Variants in PIEZO2 observed in about 807,000 individuals in gnomAD.
PIEZO2 encodes the protein piezo type mechanosensitive ion channel component 2.
Under a neutral mutation model 337.3 loss-of-function variants are expected in PIEZO2, and 172 were observed. The observed-to-expected ratio is 0.51, with a 90% CI of 0.45 to 0.58. The LOEUF (loss-of-function observed/expected upper bound fraction) is 0.58, where lower values mean the gene tolerates loss of function less well. PIEZO2 is among the 20% of genes least tolerant of loss of function. PIEZO2 has a pLI of 0.00. For synonymous variants in PIEZO2, 1,251 were observed against 1,228.5 expected (o/e 1.02, Z -0.38); for missense variants, 3,028 against 3,391.3 (o/e 0.89, Z 2.66).
chr18:11,074,122 A>C (rs1223153799), intron 1 of PIEZO2, among the ~76,000 whole-genome samples: 1 of 152,212 alleles, frequency 6.6e-6, no homozygotes, highest in East Asian at 1.9e-4. Context: ...CTAGGATTAC[A>C]GGCATGAGCC....
intron 45 of PIEZO2, among the ~76,000 whole-genome samples, chr18:10,696,888 T>C (rs2035115581): frequency 6.6e-6 from 1 of 152,324 alleles, no homozygotes; most frequent in African/African-American, 2.4e-5. Flanking sequence ...GAGCATGCTA[T>C]GTAACCTCTG....
intron 49 of PIEZO2, 94 bp downstream of exon 49, chr18:10,689,561 G>C (rs777490222): frequency 5.4e-5 from 83 of 1,549,366 alleles, no homozygotes; most frequent in Non-Finnish European, 7.1e-5. Context: ...TTTGCCTCAT[G>C]CCTTCATTGT....
chr18:10,851,155 C>CTTTTTTTTTTTTTTTTTTTTCTTTTTTCT (rs10592305), intron 7 of PIEZO2, among the ~76,000 whole-genome samples: 1 of 127,936 alleles, frequency 7.8e-6, no homozygotes, highest in South Asian at 2.5e-4. Context: ...TTTCTTTTAT[C>CTTTTTTTTTTTTTTTTTTTTCTTTTTTCT]TTTTTTTTTT....
Position 11,132,195 on chromosome 18 carries a change from G to A in PIEZO2, c.64+16330C>T, listed in dbSNP as rs1197483079. 6.6e-6 allele frequency among the ~76,000 whole-genome samples: 1 copy of A among 152,198 alleles called. No individual in the cohort carries two copies. The highest frequency in any genetic ancestry group is 1.5e-5 in the Non-Finnish European group (1 of 68,024). ...TAGGTTTGCCTGTCCTGCATGCAATGCTTCTGCCAAGACTACCATCCATGG... is the reference window on the plus strand; with the variant it reads ...TAGGTTTGCCTGTCCTGCATGCAATACTTCTGCCAAGACTACCATCCATGG... On this transcript the variant is annotated intron_variant, in intron 1 of 55. Transcript: ENST00000674853. The surrounding 1 kb of genome is among the most constrained non-coding windows in gnomAD (Gnocchi z 4.7).
chr18:11,058,185 G>T (rs556379715), intron 2 of PIEZO2, among the ~76,000 whole-genome samples: 13 of 152,278 alleles, frequency 8.5e-5, no homozygotes, highest in Admixed American at 7.2e-4. Flanking sequence ...TGTTACCCAG[G>T]CAAACAGGGT....
chr18:10,801,108 C>T (rs573383544), intron 10 of PIEZO2, among the ~76,000 whole-genome samples: 2 of 152,308 alleles, frequency 1.3e-5, no homozygotes, highest in Non-Finnish European at 2.9e-5. Context: ...GGTGTATGTG[C>T]GCCCATGGGC....
At position 10,821,089 on chromosome 18, in the gene PIEZO2, T is replaced by C. The variant is rs1416481778; in HGVS notation, c.918-13815A>G. Among the ~76,000 whole-genome samples, 1 of 152,184 alleles carries C rather than the reference T, an allele frequency of 6.6e-6. No individual in the cohort carries two copies. The stretch of plus-strand genomic sequence containing the variant: ...TTGAAGATCTCTGGAGCTCTTTCTC[T>C]GTCTTTCTCCTCTCCATTACTCTGT... On this transcript the variant is annotated intron_variant, in intron 7 of 55. Transcript: ENST00000674853. This position sits in a 1 kb window ranked among gnomAD's most constrained non-coding sequence, Gnocchi z 4.2.
chr18:11,043,892 A>G (rs1243378763), intron 2 of PIEZO2, among the ~76,000 whole-genome samples: 1 of 151,918 alleles, frequency 6.6e-6, no homozygotes, highest in Non-Finnish European at 1.5e-5. Context: ...CCGGCTGGTC[A>G]TGAACTCCTG....
At chr18:11,051,288 C>T (rs1050288506) in intron 2 of PIEZO2, among the ~76,000 whole-genome samples, 23 of 151,366 alleles carry the variant, frequency 1.5e-4, no homozygotes, top group African/African-American at 4.9e-4. Flanking sequence ...TTGGATAAGA[C>T]GACAACTTTG....
Position 10,839,512 on chromosome 18 carries a change from C to T in PIEZO2, c.917+15841G>A, listed in dbSNP as rs143876949. 2.1e-3 allele frequency among the ~76,000 whole-genome samples: 322 copies of T among 152,272 alleles called. 3 individuals are homozygous for T. The highest frequency in any genetic ancestry group is 0.014 in the Middle Eastern group (4 of 294). ...GCTCTGGTCTGTTAAGCCCTTATGC[C>T]GATGATTGTCAAGCTTTTCCTCCCA... On this transcript the variant is annotated intron_variant, in intron 7 of 55. Coordinates refer to ENST00000674853, the MANE Select transcript of PIEZO2 (RefSeq NM_001378183.1).
rs2034019529 is a variant in PIEZO2, at chr18:10,676,712, A to G, written c.8081+1035T>C. On this transcript the variant is annotated intron_variant, in intron 53 of 55. Transcript: ENST00000674853. This position sits in a 1 kb window ranked among gnomAD's most constrained non-coding sequence, Gnocchi z 5.1. Reference sequence around the variant, plus strand: ...TACTTTTTGGGCCAGGTGGACAGAGAGTGGGAGGAGAATGTGCTTGACACT... The same window carrying G: ...TACTTTTTGGGCCAGGTGGACAGAGGGTGGGAGGAGAATGTGCTTGACACT... 6.6e-6 allele frequency among the ~76,000 whole-genome samples: 1 copy of G among 152,190 alleles called. No individual in the cohort carries two copies. Among genetic ancestry groups the G allele is most frequent in the South Asian group, 2.1e-4 (1 of 4,836 alleles).
chr18:11,113,889 A>C (rs2039810166), intron 1 of PIEZO2, among the ~76,000 whole-genome samples: 1 of 152,178 alleles, frequency 6.6e-6, no homozygotes, highest in Non-Finnish European at 1.5e-5. Context: ...TTTCAGATGT[A>C]ATTTTTTAGC....
intron 47 of PIEZO2, among the ~76,000 whole-genome samples, chr18:10,692,788 G>A (rs541505362): frequency 6.6e-6 from 1 of 152,226 alleles, no homozygotes; most frequent in South Asian, 2.1e-4. Flanking sequence ...AATGCTTGAG[G>A]GCAGGAAGAA....
At position 10,833,614 on chromosome 18, in the gene PIEZO2, C is replaced by T. The variant is rs989955350; in HGVS notation, c.917+21739G>A. On this transcript the variant is annotated intron_variant, in intron 7 of 55. Transcript: ENST00000674853. The surrounding 1 kb of genome is among the most constrained non-coding windows in gnomAD (Gnocchi z 4.7). ...ACCACGCAAGCTGTGAGGACCTCAC[C>T]TCGCAGAGGCTTCCAGAGCCAAGTA... Among the ~76,000 whole-genome samples the T allele has an allele frequency of 6.6e-6, 1 of 152,188 alleles. No individual in the cohort carries two copies. Among genetic ancestry groups the T allele is most frequent in the Non-Finnish European group, 1.5e-5 (1 of 68,032 alleles).
chr18:10,742,683 G>T, intron 31 of PIEZO2, 68 bp from the exon 32 acceptor site: 1 of 1,490,766 alleles, frequency 6.7e-7, no homozygotes, highest in South Asian at 1.2e-5. Flanking sequence ...CAGTACTTTG[G>T]ACTTATGCTG....
At chr18:10,779,551 T>C (rs2038906041) in intron 18 of PIEZO2, among the ~76,000 whole-genome samples, 2 of 152,346 alleles carry the variant, frequency 1.3e-5, no homozygotes, top group African/African-American at 2.4e-5. Flanking sequence ...AGTCCATATC[T>C]CAGTGCCATC....
chr18:10,812,726 T>C lies in PIEZO2; in HGVS notation c.918-5452A>G, dbSNP rs926840364. Among the ~76,000 whole-genome samples the C allele has an allele frequency of 1.1e-4, 16 of 152,122 alleles. 2 individuals carry two copies. The South Asian group carries it at 3.3e-3, about 32-fold the overall frequency. On this transcript the variant is annotated intron_variant, in intron 7 of 55. Transcript: ENST00000674853. ...GAGCACTTACTTGCACGCTTTTCTC[T>C]CTCTCTGAAGCACTCATAACATCTG...
chr18:11,080,399 C>T lies in PIEZO2; in HGVS notation c.65-14177G>A, dbSNP rs773956835. Among the ~76,000 whole-genome samples, 1 of 152,246 alleles carries T rather than the reference C, an allele frequency of 6.6e-6. No individual in the cohort carries two copies. The highest frequency in any genetic ancestry group is 1.5e-5 in the Non-Finnish European group (1 of 68,042). ...AGAATTTCACCATCTATACATGCTACTTCCTTGATTAGACTGTAACCCCCT... is the reference window on the plus strand; with the variant it reads ...AGAATTTCACCATCTATACATGCTATTTCCTTGATTAGACTGTAACCCCCT... On this transcript the variant is annotated intron_variant, in intron 1 of 55. Coordinates refer to ENST00000674853, the MANE Select transcript of PIEZO2 (RefSeq NM_001378183.1). The surrounding 1 kb of genome is among the most constrained non-coding windows in gnomAD (Gnocchi z 5.4).
chr18:10,823,108 T>C (rs1019803748), intron 7 of PIEZO2, among the ~76,000 whole-genome samples: 5 of 152,332 alleles, frequency 3.3e-5, no homozygotes, highest in African/African-American at 1.2e-4. Context: ...TCAACTCCAT[T>C]ATAAGGTACC....
Sources: allele counts gnomAD v4.1 joint callset (sites outside exome capture counted in the v4.1 genomes callset), GRCh38; gene constraint gnomAD v4.1.1; non-coding constraint Gnocchi (gnomAD v3.1); transcripts MANE v1.5; gene names NCBI Gene and HGNC (gene_info 2026-07-23, HGNC 2026-07-21).